TMEM117: variants seen among roughly 807,000 people sequenced by gnomAD.
The protein encoded by TMEM117 is transmembrane protein 117.
Under a neutral mutation model 52.4 loss-of-function variants are expected in TMEM117, and 27 were observed. That is an observed-to-expected ratio of 0.51 (90% CI 0.38 to 0.71). The LOEUF (loss-of-function observed/expected upper bound fraction) is 0.71. Among genes scored for constraint, TMEM117 ranks in the 30% least tolerant of loss-of-function variants. TMEM117 has a pLI of 0.00. For missense variants in TMEM117, 556 were observed against 630.5 expected (o/e 0.88, Z 1.26); for synonymous variants, 215 against 206.3 (o/e 1.04, Z -0.36).
chr12:44,245,212 T>G (rs566461515), intron 5 of TMEM117, among the ~76,000 whole-genome samples: 1 of 147,792 alleles, frequency 6.8e-6, no homozygotes, highest in Admixed American at 7.1e-5. Context: ...GTTTTTAGAG[T>G]TTTTTTTTCT....
the TMEM117 span, among the ~76,000 whole-genome samples, chr12:43,818,429 T>G: frequency 0.015 from 2,255 of 151,670 alleles, 28 homozygotes; most frequent in Middle Eastern, 0.041. Context: ...TGTTTTTTTT[T>G]TGTGTTTTTT....
intron 2 of TMEM117, among the ~76,000 whole-genome samples, chr12:43,934,253 G>C (rs975210631): frequency 6.6e-6 from 1 of 151,998 alleles, no homozygotes; most frequent in Non-Finnish European, 1.5e-5. Context: ...TTCCTTAAAA[G>C]GAAAACTAAT....
chr12:44,388,391 C>G lies in TMEM117; in HGVS notation c.1264C>G (p.Pro422Ala), dbSNP rs1219626621. Residue 422 changes from proline to alanine, a missense_variant, in exon 8 of 8, where the codon CCA becomes GCA. Pro to Ala is a conservative substitution (Grantham distance 27, BLOSUM62 -1). Transcript: ENST00000266534. ...CTTTGGACGATTTTTGAAAAATGAG[C>G]CACGCATGGAGAATCAAGACAAAAC... ...WFFGRFLKNEPRMENQDKTYT... is the reference protein window; with the variant it reads ...WFFGRFLKNEARMENQDKTYT... The G allele has an allele frequency of 6.2e-7, 1 of 1,613,188 alleles. No individual in the cohort carries two copies. The highest frequency in any genetic ancestry group is 8.5e-7 in the Non-Finnish European group (1 of 1,179,642).
intron 6 of TMEM117, among the ~76,000 whole-genome samples, chr12:44,314,567 CT>C (rs755148669): frequency 0.17 from 22,455 of 130,462 alleles, 2,872 homozygotes; most frequent in African/African-American, 0.38. Flanking sequence ...GTTTCTTCTT[CT>C]TTTTTTTTTT....
intron 3 of TMEM117, among the ~76,000 whole-genome samples, chr12:44,050,332 A>C (rs563342961): frequency 2.0e-5 from 3 of 152,048 alleles, no homozygotes; most frequent in Non-Finnish European, 4.4e-5. Context: ...GTGTACCACC[A>C]CGCCTGGCTA....
At chr12:43,976,343 T>A (rs1945669878) in intron 3 of TMEM117, among the ~76,000 whole-genome samples, 1 of 152,116 alleles carries the variant, frequency 6.6e-6, no homozygotes, top group Non-Finnish European at 1.5e-5. Context: ...GACACAGGTA[T>A]CCAGTAAAAG....
intron 3 of TMEM117, among the ~76,000 whole-genome samples, chr12:43,955,668 G>A (rs982572649): frequency 6.6e-6 from 1 of 152,144 alleles, no homozygotes; most frequent in Non-Finnish European, 1.5e-5. Context: ...AACATTCCAC[G>A]GTCATGGATA....
intron 5 of TMEM117, among the ~76,000 whole-genome samples, chr12:44,225,470 GT>G (rs1265084061): frequency 6.6e-6 from 1 of 152,070 alleles, no homozygotes; most frequent in African/African-American, 2.4e-5. Flanking sequence ...AATTTAGTAT[GT>G]TTTTTTCTCT....
chr12:44,083,682 G>A (rs1244837646), intron 3 of TMEM117: 1 of 152,026 alleles, frequency 6.6e-6, no homozygotes, highest in Non-Finnish European at 1.5e-5. Context: ...GGGATTACAG[G>A]TATAAACTAC....
intron 6 of TMEM117, among the ~76,000 whole-genome samples, chr12:44,364,992 C>CT (rs1433062761): frequency 6.6e-6 from 1 of 151,982 alleles, no homozygotes; most frequent in Admixed American, 6.6e-5. Context: ...ATATAGGAAT[C>CT]TGATATCAGA....
chr12:44,305,588 A>G (rs937643908), intron 6 of TMEM117, among the ~76,000 whole-genome samples: 1 of 152,190 alleles, frequency 6.6e-6, no homozygotes, highest in African/African-American at 2.4e-5. Flanking sequence ...ATAAATGCAA[A>G]TCAAAACTGA....
At chr12:43,808,647 A>G in the TMEM117 span, among the ~76,000 whole-genome samples, 3,652 of 152,070 alleles carry the variant, frequency 0.024, 70 homozygotes, top group South Asian at 0.073. Flanking sequence ...GGATCCATCT[A>G]AAATGAGCTA....
chr12:44,051,888 T>C (rs531255825), intron 3 of TMEM117, among the ~76,000 whole-genome samples: 1 of 152,218 alleles, frequency 6.6e-6, no homozygotes, highest in Non-Finnish European at 1.5e-5. Flanking sequence ...AATACGATTT[T>C]AAAAACCTGT....
chr12:43,948,760 A>C (rs1263490048), intron 3 of TMEM117, among the ~76,000 whole-genome samples: 1 of 152,192 alleles, frequency 6.6e-6, no homozygotes, highest in South Asian at 2.1e-4. Flanking sequence ...CAAAATCTTT[A>C]GAACAGCTGG....
At chr12:44,319,452 T>C (rs1052017416) in intron 6 of TMEM117, among the ~76,000 whole-genome samples, 8 of 152,166 alleles carry the variant, frequency 5.3e-5, no homozygotes, top group Non-Finnish European at 8.8e-5. Flanking sequence ...TTCACTCACT[T>C]TTATTTACCA....
chr12:44,280,363 A>T (rs1038372051), intron 5 of TMEM117, among the ~76,000 whole-genome samples: 3 of 152,154 alleles, frequency 2.0e-5, no homozygotes, highest in Non-Finnish European at 2.9e-5. Flanking sequence ...AACTGTGGAA[A>T]TATCTGCCAT....
intron 5 of TMEM117, among the ~76,000 whole-genome samples, chr12:44,252,400 A>T (rs1371457102): frequency 6.6e-6 from 1 of 152,144 alleles, no homozygotes; most frequent in African/African-American, 2.4e-5. Flanking sequence ...GCTGCTTAGG[A>T]GGCTGAGGCA....
rs371161482 is a variant in TMEM117 at position 44,030,449 on chromosome 12, G to A, written c.410+86107G>A. On this transcript the variant is annotated intron_variant, in intron 3 of 7. Coordinates refer to ENST00000266534, the MANE Select transcript of TMEM117 (RefSeq NM_032256.3). Reference sequence around the variant, plus strand: ...CCACACCTAGTACATAATTAAAATCGCTTACTAACCAGGATTTTCACCAAA... The same window carrying A: ...CCACACCTAGTACATAATTAAAATCACTTACTAACCAGGATTTTCACCAAA... Among the ~76,000 whole-genome samples the A allele has an allele frequency of 1.2e-4, 18 of 152,258 alleles. No homozygotes were observed. The East Asian group carries it at 1.7e-3, about 15-fold the overall frequency.
intron 2 of TMEM117, among the ~76,000 whole-genome samples, chr12:43,933,383 A>G (rs912417620): frequency 6.6e-6 from 1 of 150,944 alleles, no homozygotes; most frequent in African/African-American, 2.4e-5. Flanking sequence ...TTGTATTTTT[A>G]GTAGAGACAG....
Sources: allele counts gnomAD v4.1 joint callset (sites outside exome capture counted in the v4.1 genomes callset), GRCh38; gene constraint gnomAD v4.1.1; transcripts MANE v1.5; gene names NCBI Gene and HGNC (gene_info 2026-07-23, HGNC 2026-07-21).